Variants in DPYD observed in about 807,000 individuals in gnomAD.
DPYD encodes dihydropyrimidine dehydrogenase [NADP(+)].
A neutral mutation model predicts 116.2 loss-of-function variants in DPYD; 109 were observed. That is an observed-to-expected ratio of 0.94 (90% CI 0.80 to 1.10). The LOEUF (loss-of-function observed/expected upper bound fraction) is 1.10. DPYD is among the 50% of genes least tolerant of loss of function. The pLI is 0.00. For synonymous variants in DPYD, 440 were observed against 432.0 expected, an observed-to-expected ratio of 1.02 and a Z score of -0.23; for missense variants, 1,302 against 1,254.5, an observed-to-expected ratio of 1.04 and a Z score of -0.57.
chr1:97,335,546 GA>G (rs140187045), intron 16 of DPYD, among the ~76,000 whole-genome samples: 9,742 of 152,064 alleles, frequency 0.064, 419 homozygotes, highest in African/African-American at 0.12. Context: ...TTCTCCATGG[GA>G]ATCACTATAT....
intron 12 of DPYD, among the ~76,000 whole-genome samples, chr1:97,526,448 C>T (rs931546379): frequency 6.6e-6 from 1 of 152,046 alleles, no homozygotes; most frequent in Non-Finnish European, 1.5e-5. Context: ...GATGTCCAGG[C>T]CAGGTACCTT....
chr1:97,333,419 T>C (rs958496917), intron 16 of DPYD, among the ~76,000 whole-genome samples: 1 of 151,928 alleles, frequency 6.6e-6, no homozygotes, highest in South Asian at 2.1e-4. Context: ...AGGATGGTCT[T>C]GATCTCCTGA....
At chr1:97,472,836 T>C (rs955354278) in intron 13 of DPYD, among the ~76,000 whole-genome samples, 3 of 152,212 alleles carry the variant, frequency 2.0e-5, no homozygotes, top group Non-Finnish European at 4.4e-5. Flanking sequence ...TCCAGCTTTA[T>C]TGAGGAATAA....
intron 14 of DPYD, among the ~76,000 whole-genome samples, chr1:97,389,076 GTCTCT>G (rs1672522162): frequency 6.6e-6 from 1 of 152,018 alleles, no homozygotes; most frequent in African/African-American, 2.4e-5. Flanking sequence ...AGGGTGTAAG[GTCTCT>G]TACTGAGAGT....
At chr1:97,173,173 C>T (rs759136515) in intron 20 of DPYD, among the ~76,000 whole-genome samples, 2 of 150,828 alleles carry the variant, frequency 1.3e-5, no homozygotes, top group African/African-American at 4.9e-5. Flanking sequence ...TATATGTACA[C>T]ATGTATACAT....
chr1:97,801,419 A>C (rs1667837061), intron 3 of DPYD, among the ~76,000 whole-genome samples: 2 of 151,940 alleles, frequency 1.3e-5, no homozygotes. Context: ...AAATGGATAC[A>C]GCTTATGTCA....
chr1:97,246,042 A>T (rs1201996614), intron 18 of DPYD, among the ~76,000 whole-genome samples: 1 of 152,060 alleles, frequency 6.6e-6, no homozygotes, highest in Admixed American at 6.6e-5. Context: ...ACTCTCAAAG[A>T]TGTGGTGTGG....
At position 97,098,599 on chromosome 1, in the gene DPYD, G is replaced by A. The variant is rs147545709; in HGVS notation, c.2656C>T (p.Arg886Cys). The A allele has an allele frequency of 1.3e-4, 210 of 1,612,830 alleles. 3 individuals are homozygous for A. Among genetic ancestry groups the A allele is most frequent in the South Asian group, 1.1e-3 (100 of 91,060 alleles). ...TTGTTTTCTGCTATGATTTTCTTGC[G>A]CTGTTCCAGATAAGGTCCAAAACTT... Reference protein sequence around the residue: ...LPSFGPYLEQRKKIIAENKIR... With the variant: ...LPSFGPYLEQCKKIIAENKIR... Residue 886 changes from arginine to cysteine, a missense_variant, in exon 21 of 23, where the codon CGC (arginine) becomes TGC (cysteine). Transcript: ENST00000370192.
intron 2 of DPYD, among the ~76,000 whole-genome samples, chr1:97,839,219 TG>T (rs1669922647): frequency 6.6e-6 from 1 of 152,212 alleles, no homozygotes; most frequent in Non-Finnish European, 1.5e-5. Flanking sequence ...TTACGCATAT[TG>T]TAAATGGTTT....
intron 12 of DPYD, among the ~76,000 whole-genome samples, chr1:97,517,454 A>C (rs1648313878): frequency 1.3e-5 from 2 of 152,086 alleles, no homozygotes; most frequent in Non-Finnish European, 2.9e-5. Context: ...CAGTAAACCG[A>C]ATATATACGA....
chr1:97,322,731 A>AGGTT (rs1216391907), intron 16 of DPYD: 1 of 151,990 alleles, frequency 6.6e-6, no homozygotes, highest in East Asian at 1.9e-4. Context: ...AAACATGGCG[A>AGGTT]GGTTACCCCA....
intron 4 of DPYD, among the ~76,000 whole-genome samples, chr1:97,728,949 C>T (rs954167561): frequency 6.6e-6 from 1 of 150,514 alleles, no homozygotes; most frequent in African/African-American, 2.4e-5. Context: ...CTCATACTCT[C>T]AGAAAAAAAA....
chr1:97,915,391 T>C (rs1051146121), intron 1 of DPYD, among the ~76,000 whole-genome samples: 1 of 152,158 alleles, frequency 6.6e-6, no homozygotes, highest in East Asian at 1.9e-4. Flanking sequence ...AAGTTATATG[T>C]TGAGTTTGAA....
At chr1:97,368,560 A>G (rs1671159353) in intron 16 of DPYD, among the ~76,000 whole-genome samples, 1 of 152,106 alleles carries the variant, frequency 6.6e-6, no homozygotes, top group Non-Finnish European at 1.5e-5. Flanking sequence ...CTCTTACCAC[A>G]TATCTCACTC....
intron 12 of DPYD, among the ~76,000 whole-genome samples, chr1:97,518,329 T>C (rs984932657): frequency 2.6e-5 from 4 of 152,148 alleles, no homozygotes; most frequent in Non-Finnish European, 4.4e-5. Context: ...GCAGTCTTTT[T>C]TCATACTGTG....
intron 19 of DPYD, among the ~76,000 whole-genome samples, chr1:97,195,417 G>A (rs1370438504): frequency 8.7e-5 from 13 of 150,238 alleles, no homozygotes; most frequent in African/African-American, 2.7e-4. Flanking sequence ...TTTATTGTAA[G>A]CCTCGTGCCT....
intron 4 of DPYD, among the ~76,000 whole-genome samples, chr1:97,739,721 G>A (rs1664157058): frequency 6.6e-6 from 1 of 151,898 alleles, no homozygotes; most frequent in South Asian, 2.1e-4. Flanking sequence ...TAGACACTTG[G>A]GCGAGCTCTC....
At chr1:97,657,766 AACGTGTTCC>A (rs1256233140) in intron 8 of DPYD, among the ~76,000 whole-genome samples, 1 of 152,210 alleles carries the variant, frequency 6.6e-6, no homozygotes, top group Non-Finnish European at 1.5e-5. Context: ...CAACATCAAT[AACGTGTTCC>A]AATTAGAAAT....
chr1:97,261,669 A>G (rs563257367), intron 18 of DPYD, among the ~76,000 whole-genome samples: 1 of 152,086 alleles, frequency 6.6e-6, no homozygotes, highest in South Asian at 2.1e-4. Context: ...AATTTAGTTA[A>G]GAGATAAAAC....
Sources: gnomAD v4.1 joint callset for allele counts (sites outside exome capture counted in the v4.1 genomes callset) on GRCh38, gnomAD v4.1.1 for gene constraint, MANE v1.5 for transcripts, NCBI Gene and HGNC (gene_info 2026-07-23, HGNC 2026-07-21) for gene names.